SLC38A6: variants seen among roughly 807,000 people sequenced by gnomAD.
SLC38A6 encodes solute carrier family 38 member 6, also known as N system amino acid transporter NAT-1.
In SLC38A6, 73 loss-of-function variants were observed where a neutral mutation model predicts 65.0. That is an observed-to-expected ratio of 1.12 (90% confidence interval 0.93 to 1.37). The LOEUF (loss-of-function observed/expected upper bound fraction) is 1.37. SLC38A6 is among the 40% of genes most tolerant of loss of function. SLC38A6 has a pLI of 0.00. For synonymous variants in SLC38A6, 183 were observed against 178.8 expected (o/e 1.02, Z -0.19); for missense variants, 561 against 531.1 (o/e 1.06, Z -0.55).
chr14:61,021,255 A>C (rs1171039451), intron 5 of SLC38A6, among the ~76,000 whole-genome samples: 1 of 152,174 alleles, frequency 6.6e-6, no homozygotes, highest in East Asian at 1.9e-4. Flanking sequence ...AAGTACCTTA[A>C]ATATTCTAGA....
At chr14:61,034,698 T>C (rs1001418557) in intron 6 of SLC38A6, among the ~76,000 whole-genome samples, 149 of 152,216 alleles carry the variant, frequency 9.8e-4, no homozygotes, top group African/African-American at 3.4e-3. Flanking sequence ...GTATCATTTT[T>C]GTATTATTGA....
chr14:60,993,063 G>T (rs1027386757), intron 3 of SLC38A6, among the ~76,000 whole-genome samples: 1 of 152,096 alleles, frequency 6.6e-6, no homozygotes, highest in African/African-American at 2.4e-5. Flanking sequence ...GGCCAGGCTG[G>T]TATAGAACTC....
chr14:60,997,485 C>T (rs1399851856), intron 3 of SLC38A6, among the ~76,000 whole-genome samples: 2 of 152,146 alleles, frequency 1.3e-5, no homozygotes, highest in African/African-American at 4.8e-5. Context: ...AGTCCTCGCT[C>T]CAGGTCATGC....
At chr14:61,038,831 T>A (rs1286552567) in intron 8 of SLC38A6, among the ~76,000 whole-genome samples, 1 of 152,214 alleles carries the variant, frequency 6.6e-6, no homozygotes, top group Admixed American at 6.5e-5. Context: ...TTAAAATCAT[T>A]CCTCTTCTTC....
At chr14:61,078,355 T>C (rs1169254638) in intron 15 of SLC38A6, among the ~76,000 whole-genome samples, 1 of 152,142 alleles carries the variant, frequency 6.6e-6, no homozygotes, top group African/African-American at 2.4e-5. Flanking sequence ...AAGAAAATAC[T>C]AACAATATGT....
At chr14:61,054,403 C>T (rs1306227433), downstream of SLC38A6, among the ~76,000 whole-genome samples, 1 of 152,086 alleles carries the variant, frequency 6.6e-6, no homozygotes, top group Non-Finnish European at 1.5e-5. Flanking sequence ...TTATCTAGTT[C>T]TGTGAAGAAT....
intron 8 of SLC38A6, among the ~76,000 whole-genome samples, chr14:61,041,029 G>A (rs1230255882): frequency 2.0e-5 from 3 of 152,170 alleles, no homozygotes; most frequent in Non-Finnish European, 4.4e-5. Context: ...CTGAGAGCTA[G>A]AGTAAAGAAG....
intron 3 of SLC38A6, among the ~76,000 whole-genome samples, chr14:60,998,713 CA>C (rs2038470414): frequency 6.6e-6 from 1 of 152,220 alleles, no homozygotes; most frequent in Admixed American, 6.5e-5. Context: ...GAGTTGCAGG[CA>C]TGTATTCCTA....
chr14:61,069,976 C>T lies in SLC38A6; in HGVS notation c.1291-8834C>T, dbSNP rs114589116. On this transcript the variant is annotated intron_variant, in intron 15 of 16. Transcript: ENST00000354886. ...ACGGATATACACCCGCAAATGTTGGCATACAACATGAAATCCTTTGCCCCT... is the reference window on the plus strand; with the variant it reads ...ACGGATATACACCCGCAAATGTTGGTATACAACATGAAATCCTTTGCCCCT... Among the ~76,000 whole-genome samples the T allele has an allele frequency of 3.1e-3, 477 of 152,274 alleles. 1 individual carries two copies. Among genetic ancestry groups the T allele is most frequent in the African/African-American group, 0.011 (446 of 41,548 alleles).
At chr14:61,008,185 A>C (rs1444143996) in intron 3 of SLC38A6, among the ~76,000 whole-genome samples, 2 of 152,182 alleles carry the variant, frequency 1.3e-5, no homozygotes, top group Non-Finnish European at 1.5e-5. Flanking sequence ...AATACATTTT[A>C]GAAAAGGGCT....
intron 3 of SLC38A6, among the ~76,000 whole-genome samples, chr14:61,006,890 A>G (rs1298255347): frequency 6.6e-6 from 1 of 152,168 alleles, no homozygotes; most frequent in Non-Finnish European, 1.5e-5. Context: ...TTATTGCGGC[A>G]CTATTCACAA....
chr14:60,981,718 TC>T lies in SLC38A6; in HGVS notation c.105+338del, dbSNP rs575777521. The T allele has an allele frequency of 2.9e-4, 375 of 1,312,738 alleles. 3 individuals carry two copies. In the East Asian group the frequency reaches 5.4e-3, roughly 19 times the overall value. The allele number at this position is 1,312,738 out of a possible 1,614,324, so 81.3% of individuals were successfully genotyped here. On this transcript the variant is annotated intron_variant, in intron 1 of 15. Coordinates refer to ENST00000267488, the MANE Select transcript of SLC38A6 (RefSeq NM_153811.3). ...TTAGTATTTTTGTCACCTTATTTTC[TC>T]CACCAGTCTCGTGAGGTCTTTGCAA...
chr14:61,047,311 A>G lies in SLC38A6; in HGVS notation c.925+1144A>G, dbSNP rs189977257. ...AGAAACTGTATTAAATTGTAGCTGT[A>G]TTAGATTGAAAGGGATGTGGAGGAA... On this transcript the variant is annotated intron_variant, in intron 12 of 15. Transcript: ENST00000267488. Among the ~76,000 whole-genome samples the G allele has an allele frequency of 5.3e-5, 8 of 152,272 alleles. No individual in the cohort carries two copies. In the Middle Eastern group the frequency reaches 0.01, roughly 194 times the overall value.
intron 5 of SLC38A6, among the ~76,000 whole-genome samples, chr14:61,021,612 A>G (rs1423308294): frequency 6.6e-6 from 1 of 152,110 alleles, no homozygotes; most frequent in Middle Eastern, 3.2e-3. Flanking sequence ...CCAACTCTTA[A>G]TTTTGTTGGT....
chr14:61,012,563 C>T (rs1277090067), intron 3 of SLC38A6, among the ~76,000 whole-genome samples: 2 of 152,112 alleles, frequency 1.3e-5, no homozygotes, highest in East Asian at 1.9e-4. Context: ...GAATGTGTCC[C>T]AGAGATTCTG....
At chr14:60,981,671 A>G (rs2037036274) in intron 1 of SLC38A6, 1 of 1,405,242 alleles carries the variant, frequency 7.1e-7, no homozygotes, top group Non-Finnish European at 9.4e-7. Flanking sequence ...CGGCCCTAGG[A>G]TTATGTACTC....
intron 15 of SLC38A6, among the ~76,000 whole-genome samples, chr14:61,071,683 A>C (rs2043232539): frequency 7.1e-6 from 1 of 141,386 alleles, no homozygotes; most frequent in South Asian, 2.2e-4. Context: ...ATCCTGTCTC[A>C]AAAAAAAAAA....
At chr14:61,067,525 T>C (rs2043064987) in intron 15 of SLC38A6, among the ~76,000 whole-genome samples, 1 of 152,220 alleles carries the variant, frequency 6.6e-6, no homozygotes, top group Admixed American at 6.5e-5. Flanking sequence ...TCATAGTAAA[T>C]ATTATCCACA....
At chr14:61,068,110 C>A (rs1232803439) in intron 15 of SLC38A6, among the ~76,000 whole-genome samples, 2 of 152,082 alleles carry the variant, frequency 1.3e-5, no homozygotes, top group East Asian at 3.9e-4. Context: ...AGCCTAAACT[C>A]CTATCTGTTT....
Sources: allele counts gnomAD v4.1 joint callset (sites outside exome capture counted in the v4.1 genomes callset), GRCh38; gene constraint gnomAD v4.1.1; transcripts MANE v1.5; gene names NCBI Gene and HGNC (gene_info 2026-07-23, HGNC 2026-07-21).